The following MAML3 variants were observed in gnomAD, a reference collection of about 807,000 sequenced individuals.
MAML3 encodes the protein mastermind like transcriptional coactivator 3.
A neutral mutation model predicts 101.9 loss-of-function variants in MAML3; 27 were observed. The observed-to-expected ratio is 0.27, with a 90% CI of 0.20 to 0.37. The LOEUF is 0.37. Among genes scored for constraint, MAML3 ranks in the 10% least tolerant of loss-of-function variants. The probability of loss-of-function intolerance (pLI) is 1.00; values close to 1 mark genes in which losing one functional copy is unlikely to be tolerated. For missense variants in MAML3, 1,316 were observed against 1,444.9 expected (o/e 0.91, Z 1.45); for synonymous variants, 501 against 555.9 (o/e 0.90, Z 1.39).
intron 1 of MAML3, among the ~76,000 whole-genome samples, chr4:140,128,915 C>T (rs762515062): frequency 6.7e-4 from 102 of 152,244 alleles, no homozygotes; most frequent in Admixed American, 1.7e-3. Context: ...CCTTCCATCA[C>T]GCTCCACTAG....
chr4:139,942,620 A>G (rs1733629709), intron 1 of MAML3, among the ~76,000 whole-genome samples: 1 of 152,016 alleles, frequency 6.6e-6, no homozygotes. Flanking sequence ...TCAAGAAGAT[A>G]TAATTTCATT....
chr4:139,769,288 C>T (rs886978010), intron 2 of MAML3, among the ~76,000 whole-genome samples: 3 of 152,094 alleles, frequency 2.0e-5, no homozygotes, highest in South Asian at 4.2e-4. Context: ...TCTGGGGTCC[C>T]CGAATCCAGA....
At position 139,997,815 on chromosome 4, in the gene MAML3, A is replaced by T. The variant is rs1734845770; in HGVS notation, c.469-106848T>A. 3.3e-5 allele frequency among the ~76,000 whole-genome samples: 5 copies of T among 152,034 alleles called. No homozygotes were observed. In the South Asian group the frequency reaches 1.0e-3, roughly 32 times the overall value. ...TCAGTTTTGGCAGGATAGTTTGGTTAGGTACAGAAGGTACAGAACTCTTAG... is the reference window on the plus strand; with the variant it reads ...TCAGTTTTGGCAGGATAGTTTGGTTTGGTACAGAAGGTACAGAACTCTTAG... On this transcript the variant is annotated intron_variant, in intron 1 of 4. Coordinates refer to ENST00000509479, the MANE Select transcript of MAML3 (RefSeq NM_018717.5).
intron 1 of MAML3, among the ~76,000 whole-genome samples, chr4:140,080,554 G>GC (rs1246947662): frequency 6.6e-6 from 1 of 152,188 alleles, no homozygotes; most frequent in African/African-American, 2.4e-5. Flanking sequence ...AAATGGATTG[G>GC]AAATAGAAGG....
Position 139,865,496 on chromosome 4 carries a change from GT to G in MAML3, c.2079+23860del, listed in dbSNP as rs1175520994. On this transcript the variant is annotated intron_variant, in intron 2 of 4. Transcript: ENST00000509479. ...GACCTCTGTAAAAGGTTTTTTTTTTGTTTTTTTTTTTTTTCATTCTCTAACT... is the reference window on the plus strand; with the variant it reads ...GACCTCTGTAAAAGGTTTTTTTTTTGTTTTTTTTTTTTTCATTCTCTAACT... 3.1e-3 allele frequency among the ~76,000 whole-genome samples: 383 copies of G among 122,648 alleles called. 2 individuals carry two copies. The highest frequency in any genetic ancestry group is 0.017 in the East Asian group (32 of 1,882). The allele number at this position is 122,648 out of a possible 152,430, so 80.5% of individuals were successfully genotyped here.
chr4:139,989,876 C>CAGAG (rs1406070105), intron 1 of MAML3, among the ~76,000 whole-genome samples: 65 of 53,948 alleles, frequency 1.2e-3, no homozygotes, highest in South Asian at 3.0e-3. Context: ...CACACACACA[C>CAGAG]ACACACAGAG....
intron 1 of MAML3, among the ~76,000 whole-genome samples, chr4:139,903,252 G>C: frequency 6.6e-6 from 1 of 152,180 alleles, no homozygotes; most frequent in East Asian, 1.9e-4. Context: ...TGAGATTAGA[G>C]ATTTAAACCA....
At chr4:139,796,535 C>T (rs1301827926) in intron 2 of MAML3, among the ~76,000 whole-genome samples, 1 of 152,184 alleles carries the variant, frequency 6.6e-6, no homozygotes, top group Admixed American at 6.5e-5. Flanking sequence ...AGTACCCTAT[C>T]AGAGATTTCC....
chr4:139,943,487 T>C (rs1733643271), intron 1 of MAML3, among the ~76,000 whole-genome samples: 2 of 152,138 alleles, frequency 1.3e-5, no homozygotes. Flanking sequence ...AGGTGGGTTA[T>C]GGGGGATGGG....
chr4:139,790,374 A>C (rs936022549), intron 2 of MAML3, among the ~76,000 whole-genome samples: 1 of 150,980 alleles, frequency 6.6e-6, no homozygotes, highest in Non-Finnish European at 1.5e-5. Context: ...AGAACAAACC[A>C]CTTTTTTTCA....
intron 2 of MAML3, among the ~76,000 whole-genome samples, chr4:139,780,853 T>A (rs1730188948): frequency 6.6e-6 from 1 of 152,120 alleles, no homozygotes; most frequent in Non-Finnish European, 1.5e-5. Flanking sequence ...GGTCTCAAAC[T>A]CCTGGCCTCA....
In MAML3 at chr4:139,970,022, A is replaced by G. The variant is rs1425474021; in HGVS notation, c.469-79055T>C. On this transcript the variant is annotated intron_variant, in intron 1 of 4. Coordinates refer to ENST00000509479, the MANE Select transcript of MAML3 (RefSeq NM_018717.5). Reference sequence around the variant, plus strand: ...CAACAGCATTTGATGAAGATTTTTCATTAACTACTGGGTATGAGGTCAGTG... The same window carrying G: ...CAACAGCATTTGATGAAGATTTTTCGTTAACTACTGGGTATGAGGTCAGTG... Among the ~76,000 whole-genome samples the G allele has an allele frequency of 2.0e-5, 3 of 152,234 alleles. No homozygotes were observed. In the East Asian group the frequency reaches 5.8e-4, roughly 29 times the overall value.
intron 1 of MAML3, among the ~76,000 whole-genome samples, chr4:139,990,590 A>G (rs1167717083): frequency 6.6e-6 from 1 of 151,424 alleles, no homozygotes; most frequent in Non-Finnish European, 1.5e-5. Context: ...GTATTCAATT[A>G]GGAAAAGAGG....
chr4:140,001,551 C>T (rs976284306), intron 1 of MAML3, among the ~76,000 whole-genome samples: 1 of 152,168 alleles, frequency 6.6e-6, no homozygotes, highest in African/African-American at 2.4e-5. Context: ...TAAAGAACAG[C>T]TCAAAATCAG....
chr4:139,791,433 AG>A (rs1202371395), intron 2 of MAML3, among the ~76,000 whole-genome samples: 1 of 136,784 alleles, frequency 7.3e-6, no homozygotes, highest in Non-Finnish European at 1.5e-5. Context: ...CAGGAGGTGG[AG>A]GTTGCAGTGA....
At chr4:139,720,440 C>T in intron 4 of MAML3, 117 bp from the exon 5 acceptor site, 1 of 865,326 alleles carries the variant, frequency 1.2e-6, no homozygotes, top group Non-Finnish European at 1.7e-6. Flanking sequence ...AGGATCTACT[C>T]TGATAATAAA....
intron 1 of MAML3, among the ~76,000 whole-genome samples, chr4:140,071,269 G>A (rs1277970491): frequency 6.6e-6 from 1 of 152,138 alleles, no homozygotes; most frequent in Non-Finnish European, 1.5e-5. Flanking sequence ...CACCATCTGA[G>A]AGAGCTGCAT....
At chr4:140,047,030 C>G (rs948232298) in intron 1 of MAML3, among the ~76,000 whole-genome samples, 1 of 152,066 alleles carries the variant, frequency 6.6e-6, no homozygotes, top group Middle Eastern at 3.4e-3. Context: ...CATGGTGTTT[C>G]GAAGGACTGG....
intron 2 of MAML3, among the ~76,000 whole-genome samples, chr4:139,794,817 C>T (rs1188948127): frequency 6.6e-6 from 1 of 152,234 alleles, no homozygotes; most frequent in Non-Finnish European, 1.5e-5. Context: ...CTCTGTGGAG[C>T]TGGCCAAGAT....
Sources: allele counts gnomAD v4.1 joint callset (sites outside exome capture counted in the v4.1 genomes callset), GRCh38; gene constraint gnomAD v4.1.1; transcripts MANE v1.5; gene names NCBI Gene and HGNC (gene_info 2026-07-23, HGNC 2026-07-21).